Variants in SYT10 observed in about 807,000 individuals in gnomAD.
SYT10 encodes the protein synaptotagmin-10.
Under a neutral mutation model 51.1 loss-of-function variants are expected in SYT10, and 31 were observed. That is an observed-to-expected ratio of 0.61 (90% CI 0.46 to 0.82). The LOEUF (loss-of-function observed/expected upper bound fraction) is 0.82, where lower values mean the gene tolerates loss of function less well. Among genes scored for constraint, SYT10 ranks in the 40% least tolerant of loss-of-function variants. The probability of loss-of-function intolerance (pLI) is 0.00; values close to 1 mark genes in which losing one functional copy is unlikely to be tolerated. For missense variants in SYT10, 603 were observed against 634.0 expected (o/e 0.95, Z 0.53); for synonymous variants, 233 against 225.9 (o/e 1.03, Z -0.28).
chr12:33,439,557 C>T lies in SYT10; in HGVS notation c.-35G>A. 1 of 1,605,904 alleles carries T rather than the reference C, an allele frequency of 6.2e-7. No homozygotes were observed. The highest frequency in any genetic ancestry group is 8.5e-7 in the Non-Finnish European group (1 of 1,175,176). ...TTTCTTTCGTTTTCTCTTTTTTTCC[C>T]AGTTAGCCGTCTTTTCCTCTTCCCG... On this transcript the variant is annotated 5_prime_UTR_variant, in exon 1 of 7. Coordinates refer to ENST00000228567, the MANE Select transcript of SYT10 (RefSeq NM_198992.4).
chr12:33,395,074 C>T (rs568578651), intron 3 of SYT10, among the ~76,000 whole-genome samples: 195 of 152,238 alleles, frequency 1.3e-3, no homozygotes, highest in African/African-American at 4.5e-3. Flanking sequence ...AGCGACAGAG[C>T]GAGACTCCGT....
chr12:33,426,496 C>T lies in SYT10; in HGVS notation c.152-1G>A. The T allele has an allele frequency of 1.3e-6, 2 of 1,559,142 alleles. No individual in the cohort carries two copies. The highest frequency in any genetic ancestry group is 2.4e-5 in the South Asian group (2 of 82,782). On this transcript the variant is annotated splice_acceptor_variant, in intron 1 of 6. Coordinates refer to ENST00000228567, the MANE Select transcript of SYT10 (RefSeq NM_198992.4). LOFTEE classifies it high-confidence loss of function. ...ACAGCTAACAGGCTGACTGAAATATCTGGAAAAATTACAATGTAAAAATGA... is the reference window on the plus strand; with the variant it reads ...ACAGCTAACAGGCTGACTGAAATATTTGGAAAAATTACAATGTAAAAATGA...
chr12:33,422,133 G>A (rs1391925335), intron 2 of SYT10, among the ~76,000 whole-genome samples: 1 of 151,954 alleles, frequency 6.6e-6, no homozygotes, highest in Non-Finnish European at 1.5e-5. Context: ...AGTGAATACG[G>A]CTGATTTTCT....
chr12:33,407,426 TATAA>T, intron 2 of SYT10, 70 bp from the exon 3 acceptor site: 1 of 1,499,646 alleles, frequency 6.7e-7, no homozygotes, highest in Non-Finnish European at 9.0e-7. Context: ...TACAGTGACA[TATAA>T]ACTCTTCCCC....
chr12:33,415,988 G>A (rs1404858229), intron 2 of SYT10, among the ~76,000 whole-genome samples: 3 of 152,150 alleles, frequency 2.0e-5, no homozygotes, highest in African/African-American at 7.2e-5. Flanking sequence ...CCTCTCACAT[G>A]GTGGCTGTTA....
At chr12:33,417,681 T>A (rs988174276) in intron 2 of SYT10, among the ~76,000 whole-genome samples, 1 of 152,212 alleles carries the variant, frequency 6.6e-6, no homozygotes, top group Non-Finnish European at 1.5e-5. Flanking sequence ...GTTGTTTATA[T>A]TTTTTCCAGT....
chr12:33,408,886 C>T (rs1866381648), intron 2 of SYT10, among the ~76,000 whole-genome samples: 1 of 152,154 alleles, frequency 6.6e-6, no homozygotes, highest in South Asian at 2.1e-4. Flanking sequence ...TCTCCCTTTA[C>T]CCATAGGATT....
intron 3 of SYT10, among the ~76,000 whole-genome samples, chr12:33,401,961 C>T (rs1866310812): frequency 6.6e-6 from 1 of 152,230 alleles, no homozygotes; most frequent in South Asian, 2.1e-4. Context: ...CAAATACCTG[C>T]AGAATGTTTA....
rs951413094 is a variant in SYT10, at chr12:33,375,139, G to T, written c.*1691C>A. The T allele has an allele frequency of 6.6e-6, 1 of 151,954 alleles. No homozygotes were observed. Among genetic ancestry groups the T allele is most frequent in the African/African-American group, 2.4e-5 (1 of 41,410 alleles). The allele number at this position is 151,954 out of a possible 1,614,324, so 9.4% of individuals were successfully genotyped here. A position where few individuals can be genotyped will look rare whatever the true frequency, so the allele number is the denominator to read the frequency against. ...AGCTTTCTTCTATTATTTTCAATGA[G>T]AAAATGTTAGCTAGGAGTACCTGTT... On this transcript the variant is annotated 3_prime_UTR_variant, in exon 7 of 7. Transcript: ENST00000228567.
intron 3 of SYT10, among the ~76,000 whole-genome samples, chr12:33,402,194 A>C (rs947676519): frequency 6.6e-6 from 1 of 152,190 alleles, no homozygotes; most frequent in African/African-American, 2.4e-5. Flanking sequence ...AAACAAAACA[A>C]ATAGAAACTC....
chr12:33,427,803 C>G (rs574102645), intron 1 of SYT10, among the ~76,000 whole-genome samples: 14 of 152,172 alleles, frequency 9.2e-5, no homozygotes, highest in Admixed American at 3.9e-4. Flanking sequence ...AAGTGAGGAT[C>G]TAGGAGAATT....
intron 2 of SYT10, among the ~76,000 whole-genome samples, chr12:33,408,996 C>T (rs1331897220): frequency 6.6e-6 from 1 of 152,040 alleles, no homozygotes; most frequent in East Asian, 1.9e-4. Flanking sequence ...ATCCTTATCT[C>T]CATATATTTT....
At chr12:33,410,923 A>G (rs140311363) in intron 2 of SYT10, among the ~76,000 whole-genome samples, 66 of 152,372 alleles carry the variant, frequency 4.3e-4, no homozygotes, top group African/African-American at 1.5e-3. Context: ...AGTAAAAGCT[A>G]ACATAGGAGT....
intron 1 of SYT10, among the ~76,000 whole-genome samples, chr12:33,436,302 G>T (rs1275308170): frequency 6.6e-6 from 1 of 152,086 alleles, no homozygotes; most frequent in South Asian, 2.1e-4. Flanking sequence ...AAATCATATT[G>T]TGCATTGAGA....
chr12:33,404,100 A>C (rs994565497), intron 3 of SYT10, among the ~76,000 whole-genome samples: 3 of 152,238 alleles, frequency 2.0e-5, no homozygotes, highest in Non-Finnish European at 4.4e-5. Flanking sequence ...GGCAGGTGGA[A>C]TAAAGGTAGC....
At chr12:33,416,435 A>G (rs1374579829) in intron 2 of SYT10, among the ~76,000 whole-genome samples, 1 of 152,094 alleles carries the variant, frequency 6.6e-6, no homozygotes, top group Non-Finnish European at 1.5e-5. Flanking sequence ...CAAGTCAAGA[A>G]ATCACACTTC....
At chr12:33,410,492 G>GT (rs1162222432) in intron 2 of SYT10, among the ~76,000 whole-genome samples, 1 of 151,632 alleles carries the variant, frequency 6.6e-6, no homozygotes, top group Admixed American at 6.6e-5. Flanking sequence ...TGTTTCTACT[G>GT]TACTATTCAC....
chr12:33,411,942 G>A (rs1187989290), intron 2 of SYT10, among the ~76,000 whole-genome samples: 1 of 151,762 alleles, frequency 6.6e-6, no homozygotes, highest in East Asian at 1.9e-4. Flanking sequence ...ATGTTAAAAG[G>A]GTCTAGTATA....
At chr12:33,416,609 A>T (rs1216225974) in intron 2 of SYT10, among the ~76,000 whole-genome samples, 1 of 152,184 alleles carries the variant, frequency 6.6e-6, no homozygotes, top group Non-Finnish European at 1.5e-5. Flanking sequence ...AGGTTCAATG[A>T]ACTCCTCTCT....
Sources: allele counts gnomAD v4.1 joint callset (sites outside exome capture counted in the v4.1 genomes callset), GRCh38; gene constraint gnomAD v4.1.1; transcripts MANE v1.5; gene names NCBI Gene and HGNC (gene_info 2026-07-23, HGNC 2026-07-21).